Variants in TEX15 observed in about 807,000 individuals in gnomAD.
The protein encoded by TEX15 is testis expressed 15, meiosis and synapsis associated.
A neutral mutation model predicts 237.3 loss-of-function variants in TEX15; 171 were observed. The observed-to-expected ratio is 0.72, with a 90% CI of 0.64 to 0.82. The LOEUF (loss-of-function observed/expected upper bound fraction) is 0.82, where lower values mean the gene tolerates loss of function less well. Ranked by LOEUF, TEX15 falls within the 40% of genes least tolerant of loss-of-function variation. TEX15 has a pLI of 0.00. For synonymous variants in TEX15, 1,338 were observed against 1,269.8 expected, an observed-to-expected ratio of 1.05 and a Z score of -1.14; for missense variants, 3,750 against 3,646.5, an observed-to-expected ratio of 1.03 and a Z score of -0.73.
At position 30,847,331 on chromosome 8, in the gene TEX15, T is replaced by C. The variant is rs971267797; in HGVS notation, c.2836A>G (p.Ile946Val). 3 of 1,613,786 alleles carry C rather than the reference T, an allele frequency of 1.9e-6. No homozygotes were observed. The highest frequency in any genetic ancestry group is 2.5e-6 in the Non-Finnish European group (3 of 1,179,926). Reference sequence around the variant, plus strand: ...GTATCTTTTTGTTTCACGGCACTAATGGTATCTTCTTCACTCTCTAATAAT... The same window carrying C: ...GTATCTTTTTGTTTCACGGCACTAACGGTATCTTCTTCACTCTCTAATAAT... ...TALLESEEDT[I>V]SAVKQKDTEN... The change falls in exon 8 of 11, where the codon ATT becomes GTT. Residue 946 changes from isoleucine (I) to valine (V), a missense_variant. Transcript: ENST00000643185.
chr8:30,860,052 G>T lies in TEX15; in HGVS notation c.546C>A (p.Leu182=), dbSNP rs762425783. 3.9e-4 allele frequency: 539 copies of T among 1,385,962 alleles called. 2 individuals are homozygous for T. Among genetic ancestry groups the T allele is most frequent in the South Asian group, 1.0e-3 (63 of 60,692 alleles). 85.9% of individuals were successfully genotyped at this position (1,385,962 alleles called of 1,614,324 possible). ...TVESILIFKV[L]FGKVKKIQPS... ...GTTGGATTTTCTTCACTTTTCCAAAGAGAACCTAAAAAAAAAAAAGCCAAA... is the reference window on the plus strand; with the variant it reads ...GTTGGATTTTCTTCACTTTTCCAAATAGAACCTAAAAAAAAAAAAGCCAAA... Residue 182 remains leucine (L), a synonymous_variant, in exon 6 of 11, where the codon CTC becomes CTA. Coordinates refer to ENST00000643185, the MANE Select transcript of TEX15 (RefSeq NM_001350162.2).
intron 1 of TEX15, among the ~76,000 whole-genome samples, chr8:30,907,684 AT>A (rs1481534624): frequency 3.9e-4 from 55 of 139,736 alleles, no homozygotes; most frequent in African/African-American, 1.2e-3. Context: ...TATATATAAA[AT>A]TTTATATATA....
intron 1 of TEX15, among the ~76,000 whole-genome samples, chr8:30,906,800 G>C (rs368425150): frequency 6.6e-6 from 1 of 152,010 alleles, no homozygotes; most frequent in Admixed American, 6.6e-5. Flanking sequence ...CCCATTTTAC[G>C]TATGAAAATT....
chr8:30,900,605 T>C (rs1808988830), intron 1 of TEX15, among the ~76,000 whole-genome samples: 2 of 152,138 alleles, frequency 1.3e-5, no homozygotes, highest in Non-Finnish European at 2.9e-5. Flanking sequence ...AGAAAGGAAA[T>C]ATGCATGAAG....
chr8:30,895,552 T>C (rs868058320), intron 2 of TEX15, among the ~76,000 whole-genome samples: 1 of 151,646 alleles, frequency 6.6e-6, no homozygotes, highest in Admixed American at 6.6e-5. Flanking sequence ...TGGTTAAGTA[T>C]TAGATCTTTT....
At chr8:30,874,467 T>C (rs1808360466) in intron 4 of TEX15, among the ~76,000 whole-genome samples, 1 of 152,208 alleles carries the variant, frequency 6.6e-6, no homozygotes, top group Non-Finnish European at 1.5e-5. Context: ...TAAAAAATTA[T>C]GTGTGAGAAA....
rs150734897 is a variant in TEX15, at chr8:30,837,885, T to C, written c.8399A>G (p.Asp2800Gly). The change falls in exon 10 of 11, where the codon GAC (aspartate) becomes GGC (glycine). Residue 2800 changes from aspartate (D) to glycine (G), a missense_variant. Transcript: ENST00000643185. Reference protein sequence around the residue: ...TCASKSESKIDLTVSSDHFSG... With the variant: ...TCASKSESKIGLTVSSDHFSG... The stretch of plus-strand genomic sequence containing the variant: ...GAAGTGATCAGATGAAACAGTTAAG[T>C]CTATTTTGCTTTCCGACTTTGATGC... 1.2e-6 allele frequency: 2 copies of C among 1,614,180 alleles called. No homozygotes were observed. The highest frequency in any genetic ancestry group is 8.5e-7 in the Non-Finnish European group (1 of 1,180,010).
Position 30,875,101 on chromosome 8 carries a change from A to T in TEX15, c.138T>A (p.Val46=). 1 of 1,238,406 alleles carries T rather than the reference A, an allele frequency of 8.1e-7. No individual in the cohort carries two copies. Among genetic ancestry groups the T allele is most frequent in the Non-Finnish European group, 1.0e-6 (1 of 989,496 alleles). 76.7% of individuals were successfully genotyped at this position (1,238,406 alleles called of 1,614,324 possible). Residue 46 remains valine (V), a splice_region_variant and synonymous_variant, in exon 4 of 11, where the codon GTT becomes GTA. Transcript: ENST00000643185. The part of the protein sequence containing the change: ...IPKIRRTAEK[V]YLSPCYTNSR... Reference sequence around the variant, plus strand: ...TATTGGTGTAACAAGGTGACAAGTAAACTAAAGGTAGAAAAAGAGAAAGCA... The same window carrying T: ...TATTGGTGTAACAAGGTGACAAGTATACTAAAGGTAGAAAAAGAGAAAGCA...
chr8:30,836,014 A>G (rs1807283658), intron 10 of TEX15, among the ~76,000 whole-genome samples: 1 of 152,134 alleles, frequency 6.6e-6, no homozygotes, highest in East Asian at 1.9e-4. Flanking sequence ...GATAATCTAG[A>G]AAATGCAAGA....
rs1184711396 is a variant in TEX15, at chr8:30,846,375, T to C, written c.3792A>G (p.Glu1264=). ...ENQNSESLFT[E]PSNVTTIDDG... is the part of the protein sequence containing the mutation. ...CATCTATTGTTGTGACATTAGAAGGTTCAGTAAACAAAGATTCACTGTTCT... is the reference window on the plus strand; with the variant it reads ...CATCTATTGTTGTGACATTAGAAGGCTCAGTAAACAAAGATTCACTGTTCT... Residue 1264 remains glutamate (E), a synonymous_variant, in exon 8 of 11, where the codon GAA becomes GAG. Transcript: ENST00000643185. The C allele has an allele frequency of 3.7e-6, 6 of 1,613,308 alleles. No individual in the cohort carries two copies. The African/African-American group carries it at 6.7e-5, about 18-fold the overall frequency.
At chr8:30,906,371 G>A (rs1482957642) in intron 1 of TEX15, among the ~76,000 whole-genome samples, 1 of 152,032 alleles carries the variant, frequency 6.6e-6, no homozygotes, top group Non-Finnish European at 1.5e-5. Context: ...GGATCATGAG[G>A]TCAGGAGATC....
Position 30,847,950 on chromosome 8 carries a change from T to C in TEX15, c.2217A>G (p.Leu739=). The C allele has an allele frequency of 6.2e-7, 1 of 1,614,014 alleles. No homozygotes were observed. The highest frequency in any genetic ancestry group is 8.5e-7 in the Non-Finnish European group (1 of 1,179,946). ...GTTCCATTAGCTTTTGAGCAATGGC[T>C]AAACTTGTATGAATGTTACCCTCAT... is the stretch of plus-strand genomic sequence containing the variant. The part of the protein sequence containing the change: ...VEYEGNIHTS[L]AIAQKLMELK... Residue 739 remains leucine, a synonymous_variant, in exon 8 of 11, where the codon TTA becomes TTG. Coordinates refer to ENST00000643185, the MANE Select transcript of TEX15 (RefSeq NM_001350162.2).
rs1225117946 is a variant in TEX15, at chr8:30,837,958, A to C, written c.8326T>G (p.Ser2776Ala). The C allele has an allele frequency of 1.9e-6, 3 of 1,613,944 alleles. No individual in the cohort carries two copies. The highest frequency in any genetic ancestry group is 2.5e-6 in the Non-Finnish European group (3 of 1,179,994). The change falls in exon 10 of 11, where the codon TCA (serine) becomes GCA (alanine). Residue 2776 changes from serine (S) to alanine (A), a missense_variant. Physicochemically the swap from Ser to Ala is moderately conservative, Grantham distance 99 (BLOSUM62 1). Coordinates refer to ENST00000643185, the MANE Select transcript of TEX15 (RefSeq NM_001350162.2). The stretch of plus-strand genomic sequence containing the variant: ...AAGGGTAAAAGTGAGCCAGGTAGTG[A>C]TCTTTGCATTTCAACCTTTTTTGGC... ...LTPKKVEMQR[S>A]LPGSLLPLEN...
At chr8:30,865,297 T>C (rs1808135986) in intron 5 of TEX15, among the ~76,000 whole-genome samples, 1 of 151,970 alleles carries the variant, frequency 6.6e-6, no homozygotes, top group Non-Finnish European at 1.5e-5. Context: ...AGATAAATAA[T>C]GAGTGACAAG....
intron 7 of TEX15, among the ~76,000 whole-genome samples, chr8:30,855,059 TACAG>T (rs748885551): frequency 2.0e-5 from 3 of 152,058 alleles, no homozygotes; most frequent in Non-Finnish European, 4.4e-5. Context: ...AATTCAAGAA[TACAG>T]ACAAAGATGT....
Position 30,860,048 on chromosome 8 carries a change from CAA to C in TEX15, c.548_549del (p.Phe183TrpfsTer12). 1 of 1,415,950 alleles carries C rather than the reference CAA, an allele frequency of 7.1e-7. No individual in the cohort carries two copies. Among genetic ancestry groups the C allele is most frequent in the Non-Finnish European group, 9.2e-7 (1 of 1,091,450 alleles). 87.7% of individuals were successfully genotyped at this position (1,415,950 alleles called of 1,614,324 possible). A position where few individuals can be genotyped will look rare whatever the true frequency, so the allele number is the denominator to read the frequency against. On this transcript the variant is annotated frameshift_variant, in exon 6 of 11. Coordinates refer to ENST00000643185, the MANE Select transcript of TEX15 (RefSeq NM_001350162.2). LOFTEE classifies it high-confidence loss of function. ...GAAGGTTGGATTTTCTTCACTTTTC[CAA>C]AGAGAACCTAAAAAAAAAAAAGCCA... is the stretch of plus-strand genomic sequence containing the variant. ...VESILIFKVL[F>X]GKVKKIQPSV...
chr8:30,844,670 A>C lies in TEX15; in HGVS notation c.5497T>G (p.Cys1833Gly), dbSNP rs755251863. The C allele has an allele frequency of 6.2e-7, 1 of 1,613,258 alleles. No homozygotes were observed. Among genetic ancestry groups the C allele is most frequent in the Non-Finnish European group, 8.5e-7 (1 of 1,179,578 alleles). ...DNVKGSSSET[C>G]IVKKDTEDRI... ...TCCTCAGTGTCTTTCTTCACAATAC[A>C]TGTTTCTGAAGAGGAGCCTTTTACA... The change falls in exon 8 of 11, where the codon TGT becomes GGT. Residue 1833 changes from cysteine (C) to glycine (G), a missense_variant. Transcript: ENST00000643185.
At chr8:30,858,336 A>G (rs1327798254) in intron 7 of TEX15, among the ~76,000 whole-genome samples, 2 of 150,614 alleles carry the variant, frequency 1.3e-5, no homozygotes, top group Non-Finnish European at 1.5e-5. Context: ...TGTTTGTGAC[A>G]AGGTCTCCCT....
chr8:30,844,045 G>C lies in TEX15; in HGVS notation c.6122C>G (p.Ser2041Ter). 1 of 1,611,616 alleles carries C rather than the reference G, an allele frequency of 6.2e-7. No individual in the cohort carries two copies. The highest frequency in any genetic ancestry group is 8.5e-7 in the Non-Finnish European group (1 of 1,179,084). ...VEAFERKQECSVEQILISREL... is the reference protein window; with the variant it reads ...VEAFERKQEC ...TCTTGAAATCAGGATTTGTTCAACT[G>C]AACATTCTTGCTTTCTTTCAAAAGC... The change falls in exon 8 of 11, where the codon TCA becomes TGA. Residue 2041 changes from serine (S) to a stop codon, truncating the protein, a stop_gained. Transcript: ENST00000643185. LOFTEE classifies it high-confidence loss of function.
Sources: gnomAD v4.1 joint callset for allele counts (sites outside exome capture counted in the v4.1 genomes callset) on GRCh38, gnomAD v4.1.1 for gene constraint, MANE v1.5 for transcripts, NCBI Gene and HGNC (gene_info 2026-07-23, HGNC 2026-07-21) for gene names.